Variants in DZIP3 observed in about 807,000 individuals in gnomAD.
DZIP3 encodes the protein E3 ubiquitin-protein ligase DZIP3.
Under a neutral mutation model 162.0 loss-of-function variants are expected in DZIP3, and 118 were observed. The ratio of observed to expected loss-of-function variants is 0.73; its 90% CI spans 0.63 to 0.85. DZIP3 has a LOEUF of 0.85. DZIP3 is among the 40% of genes least tolerant of loss of function. The pLI is 0.00. For missense variants in DZIP3, 1,331 were observed against 1,407.0 expected (o/e 0.95, Z 0.86); for synonymous variants, 438 against 458.6 (o/e 0.96, Z 0.57).
chr3:108,609,856 A>G (rs984586357), intron 3 of DZIP3, among the ~76,000 whole-genome samples: 3 of 152,118 alleles, frequency 2.0e-5, no homozygotes, highest in Non-Finnish European at 4.4e-5. Context: ...CACTTACAAT[A>G]TTTCCTGTTG....
chr3:108,646,168 T>C (rs1942614287), intron 14 of DZIP3, among the ~76,000 whole-genome samples: 1 of 152,294 alleles, frequency 6.6e-6, no homozygotes, highest in Middle Eastern at 3.4e-3. Context: ...ATTCAATCTC[T>C]AGAGCTTAAC....
intron 4 of DZIP3, among the ~76,000 whole-genome samples, chr3:108,613,711 C>A (rs1940848120): frequency 6.6e-6 from 1 of 152,174 alleles, no homozygotes; most frequent in Non-Finnish European, 1.5e-5. Context: ...GCACACAGAA[C>A]ATTTACAAAA....
At chr3:108,633,378 A>T (rs572393224) in intron 9 of DZIP3, among the ~76,000 whole-genome samples, 221 of 152,032 alleles carry the variant, frequency 1.5e-3, no homozygotes, top group African/African-American at 5.1e-3. Flanking sequence ...AAAATGATCT[A>T]AAAAATGCTT....
At chr3:108,609,312 G>T (rs374822093) in intron 3 of DZIP3, among the ~76,000 whole-genome samples, 1 of 152,050 alleles carries the variant, frequency 6.6e-6, no homozygotes, top group African/African-American at 2.4e-5. Flanking sequence ...TGAGGTTATC[G>T]CTGTAAAAAA....
intron 32 of DZIP3, chr3:108,691,121 T>A (rs892752460): frequency 5.4e-6 from 2 of 372,400 alleles, no homozygotes; most frequent in Non-Finnish European, 4.8e-6. Context: ...ATATATGCTC[T>A]TAGTAGGTTT....
In DZIP3 at chr3:108,686,458, C is replaced by G; in HGVS notation, c.3023C>G (p.Ala1008Gly). The change falls in exon 28 of 33, where the codon GCC (alanine) becomes GGC (glycine). Residue 1008 changes from alanine (A) to glycine (G), a missense_variant. Physicochemically the swap from Ala to Gly is moderately conservative, Grantham distance 60. This residue lies in a region of DZIP3 where 1,278 missense variants were observed against 1,317.1 expected (regional missense o/e 0.97). Transcript: ENST00000361582. ...QPRAPLMTGI[A>G]WALPAPVGDA... is the part of the protein sequence containing the mutation. ...TGCCTCTTACAGATGACTGGCATAG[C>G]CTGGGCTCTGCCAGCGCCTGTGGGA... 1 of 1,594,448 alleles carries G rather than the reference C, an allele frequency of 6.3e-7. No homozygotes were observed. Among genetic ancestry groups the G allele is most frequent in the Non-Finnish European group, 8.5e-7 (1 of 1,172,884 alleles).
chr3:108,643,356 A>C (rs1481949271), intron 13 of DZIP3, among the ~76,000 whole-genome samples: 2 of 152,086 alleles, frequency 1.3e-5, no homozygotes, highest in Non-Finnish European at 2.9e-5. Flanking sequence ...TGAAATACCT[A>C]CTTATCTTTT....
At chr3:108,620,182 A>G (rs1295379939) in intron 5 of DZIP3, among the ~76,000 whole-genome samples, 1 of 152,194 alleles carries the variant, frequency 6.6e-6, no homozygotes, top group Non-Finnish European at 1.5e-5. Flanking sequence ...AGCAATGAAA[A>G]TGTAGCAACA....
At chr3:108,692,722 C>T (rs1473809181) in intron 32 of DZIP3, among the ~76,000 whole-genome samples, 3 of 152,066 alleles carry the variant, frequency 2.0e-5, no homozygotes, top group African/African-American at 7.2e-5. Context: ...AACAGGTTTG[C>T]GATGGGTCCA....
Position 108,675,796 on chromosome 3 carries a change from T to C in DZIP3, c.2704T>C (p.Ser902Pro), listed in dbSNP as rs941929295. 2 of 1,605,090 alleles carry C rather than the reference T, an allele frequency of 1.2e-6. No individual in the cohort carries two copies. Among genetic ancestry groups the C allele is most frequent in the Non-Finnish European group, 1.7e-6 (2 of 1,176,694 alleles). ...CCTTTTCTACAACAGCAACCTAGAA[T>C]CACTTCAATTAAAGGCTGCGGTAGA... ...VTHMAASNLESLQLKAAVDSW... is the reference protein window; with the variant it reads ...VTHMAASNLEPLQLKAAVDSW... The change falls in exon 25 of 33, where the codon TCA (serine) becomes CCA (proline). Residue 902 changes from serine (S) to proline (P), a missense_variant. Ser to Pro is a moderately conservative substitution (Grantham distance 74, BLOSUM62 -1). This residue lies in a region of DZIP3 where 1,278 missense variants were observed against 1,317.1 expected (regional missense o/e 0.97). Coordinates refer to ENST00000361582, the MANE Select transcript of DZIP3 (RefSeq NM_014648.4).
At chr3:108,646,768 C>A (rs760478298) in intron 15 of DZIP3, 119 bp downstream of exon 15, 1 of 728,250 alleles carries the variant, frequency 1.4e-6, no homozygotes. Flanking sequence ...TTGGGCCAGG[C>A]GCAGTGGCTC....
At chr3:108,683,313 A>G (rs1436259183) in intron 26 of DZIP3, among the ~76,000 whole-genome samples, 2 of 151,968 alleles carry the variant, frequency 1.3e-5, no homozygotes, top group African/African-American at 2.4e-5. Flanking sequence ...CTTACCTAGC[A>G]ATCACATAAT....
At position 108,694,279 on chromosome 3, in the gene DZIP3, A is replaced by C. The variant is rs1442785114; in HGVS notation, c.*926A>C. The C allele has an allele frequency of 6.6e-6, 1 of 152,196 alleles. No homozygotes were observed. The highest frequency in any genetic ancestry group is 6.6e-5 in the Admixed American group (1 of 15,260). The allele number at this position is 152,196 out of a possible 1,614,324, so 9.4% of individuals were successfully genotyped here. A position where few individuals can be genotyped will look rare whatever the true frequency, so the allele number is the denominator to read the frequency against. ...GGAAAAATATTTAAAAAAAGATGGC[A>C]GTCATCTAGACATGTAAAATGCCAA... is the stretch of plus-strand genomic sequence containing the variant. On this transcript the variant is annotated 3_prime_UTR_variant, in exon 33 of 33. Transcript: ENST00000361582.
At chr3:108,605,459 C>G (rs775384330) in intron 2 of DZIP3, 21 bp downstream of exon 2, 28 of 1,611,678 alleles carry the variant, frequency 1.7e-5, no homozygotes, top group Admixed American at 1.0e-4. Context: ...AGTCCCCAAC[C>G]TTTTTGGCAC....
chr3:108,590,121 C>A (rs969900156), intron 1 of DZIP3: 3 of 152,214 alleles, frequency 2.0e-5, no homozygotes, highest in Non-Finnish European at 4.4e-5. Context: ...CTGTTTCTCT[C>A]TGGCATGATT....
At chr3:108,685,520 A>T (rs1944466536) in intron 27 of DZIP3, among the ~76,000 whole-genome samples, 1 of 152,146 alleles carries the variant, frequency 6.6e-6, no homozygotes, top group Admixed American at 6.6e-5. Flanking sequence ...TAGTAATCAG[A>T]TGAGCACTCC....
At chr3:108,600,442 T>C (rs920791828) in intron 1 of DZIP3, among the ~76,000 whole-genome samples, 1 of 152,192 alleles carries the variant, frequency 6.6e-6, no homozygotes, top group Admixed American at 6.5e-5. Context: ...TCATGCAGTT[T>C]AAAGACTAAA....
At chr3:108,619,873 T>A (rs895116729) in intron 5 of DZIP3, among the ~76,000 whole-genome samples, 1 of 151,356 alleles carries the variant, frequency 6.6e-6, no homozygotes, top group Non-Finnish European at 1.5e-5. Context: ...CCCTAAATAG[T>A]TACATAATTA....
intron 1 of DZIP3, among the ~76,000 whole-genome samples, chr3:108,598,433 A>G (rs1939819427): frequency 6.6e-6 from 1 of 152,206 alleles, no homozygotes; most frequent in African/African-American, 2.4e-5. Context: ...AATTAAGCTT[A>G]TTTTCAATGC....
Sources: allele counts gnomAD v4.1 joint callset (sites outside exome capture counted in the v4.1 genomes callset), GRCh38; gene constraint gnomAD v4.1.1; regional missense constraint gnomAD v4.1.1; transcripts MANE v1.5; gene names NCBI Gene and HGNC (gene_info 2026-07-23, HGNC 2026-07-21).